Variants in DISC1 observed in about 807,000 individuals in gnomAD.
DISC1 encodes DISC1 scaffold protein, also known as disrupted in schizophrenia 1 protein.
DISC1 carries 57 observed loss-of-function variants against 84.5 expected under a neutral mutation model. The ratio of observed to expected loss-of-function variants is 0.67; its 90% CI spans 0.55 to 0.84. The LOEUF is 0.84. Ranked by LOEUF, DISC1 falls within the 40% of genes least tolerant of loss-of-function variation. The probability of loss-of-function intolerance (pLI) is 0.00; values close to 1 mark genes in which losing one functional copy is unlikely to be tolerated. For missense variants in DISC1, 1,000 were observed against 1,057.8 expected, an observed-to-expected ratio of 0.95 and a Z score of 0.76; for synonymous variants, 411 against 415.2, an observed-to-expected ratio of 0.99 and a Z score of 0.12.
chr1:231,639,207 G>A (rs561196330), intron 1 of DISC1, among the ~76,000 whole-genome samples: 47 of 152,228 alleles, frequency 3.1e-4, no homozygotes, highest in African/African-American at 1.1e-3. Flanking sequence ...TGTAGATTGC[G>A]TGTTCAAGAT....
chr1:231,779,320 G>C (rs142667693), intron 6 of DISC1, among the ~76,000 whole-genome samples: 1 of 152,230 alleles, frequency 6.6e-6, no homozygotes, highest in East Asian at 1.9e-4. Flanking sequence ...ACTGTGGACT[G>C]CTTCTGGCCT....
chr1:231,962,505 A>G (rs1329355939), intron 10 of DISC1, among the ~76,000 whole-genome samples: 1 of 152,188 alleles, frequency 6.6e-6, no homozygotes, highest in Admixed American at 6.5e-5. Context: ...ATCCTGAGCA[A>G]AAAGAACAAA....
At chr1:231,646,127 A>G (rs1321595515) in intron 1 of DISC1, among the ~76,000 whole-genome samples, 3 of 151,006 alleles carry the variant, frequency 2.0e-5, no homozygotes, top group East Asian at 2.0e-4. Flanking sequence ...AGCATTAGGT[A>G]TATCTCCTAA....
intron 2 of DISC1, among the ~76,000 whole-genome samples, chr1:231,700,017 G>A (rs1011254265): frequency 5.9e-5 from 9 of 152,118 alleles, no homozygotes; most frequent in African/African-American, 2.2e-4. Context: ...CAGCCTCGTG[G>A]TTCACTCCCT....
At chr1:231,794,129 AC>A in intron 6 of DISC1, among the ~76,000 whole-genome samples, 1 of 152,160 alleles carries the variant, frequency 6.6e-6, no homozygotes, top group Middle Eastern at 3.4e-3. Context: ...GATAGGCCCC[AC>A]CCCATCCTTC....
intron 11 of DISC1, among the ~76,000 whole-genome samples, chr1:232,012,589 A>G (rs1668118989): frequency 6.6e-6 from 1 of 152,220 alleles, no homozygotes; most frequent in Non-Finnish European, 1.5e-5. Context: ...CTGAAGCTTG[A>G]TGCCCTGAAG....
intron 1 of DISC1, among the ~76,000 whole-genome samples, chr1:231,646,574 G>A (rs2060154260): frequency 6.6e-6 from 1 of 151,344 alleles, no homozygotes; most frequent in Non-Finnish European, 1.5e-5. Flanking sequence ...AGATCGCTGG[G>A]TCAAATGGGA....
intron 8 of DISC1, among the ~76,000 whole-genome samples, chr1:231,801,680 G>A (rs1439512646): frequency 1.3e-5 from 2 of 152,244 alleles, no homozygotes; most frequent in South Asian, 2.1e-4. Context: ...TGATACTAGT[G>A]TTAAGGTGGT....
chr1:231,740,850 C>T (rs930893709), intron 3 of DISC1, among the ~76,000 whole-genome samples: 2 of 152,078 alleles, frequency 1.3e-5, no homozygotes, highest in African/African-American at 2.4e-5. Context: ...GACTATGACC[C>T]GTCACATGAG....
At chr1:231,842,662 C>T (rs1181210550) in intron 9 of DISC1, among the ~76,000 whole-genome samples, 4 of 152,078 alleles carry the variant, frequency 2.6e-5, no homozygotes, top group African/African-American at 4.8e-5. Flanking sequence ...GTGTCAGACA[C>T]GTGAATTCAG....
intron 6 of DISC1, among the ~76,000 whole-genome samples, chr1:231,791,968 A>G (rs2078384728): frequency 1.3e-5 from 2 of 152,132 alleles, no homozygotes; most frequent in African/African-American, 4.8e-5. Context: ...TATCTTTATT[A>G]TGTTTTATAG....
At chr1:231,798,552 C>G (rs986440351) in intron 7 of DISC1, among the ~76,000 whole-genome samples, 1 of 152,106 alleles carries the variant, frequency 6.6e-6, no homozygotes, top group Non-Finnish European at 1.5e-5. Context: ...TGCCCTCAGA[C>G]CTCAGATGAC....
intron 10 of DISC1, among the ~76,000 whole-genome samples, chr1:231,974,822 C>T (rs189758745): frequency 5.3e-4 from 80 of 152,128 alleles, no homozygotes; most frequent in African/African-American, 1.7e-3. Context: ...TATTTTAGGC[C>T]GGGTGTGGTG....
At chr1:232,011,641 G>A (rs910310738) in intron 11 of DISC1, among the ~76,000 whole-genome samples, 2 of 152,294 alleles carry the variant, frequency 1.3e-5, no homozygotes, top group Middle Eastern at 3.4e-3. Context: ...AATTTGGTGC[G>A]TGGAAGTTGG....
chr1:231,725,730 C>G (rs946165981), intron 3 of DISC1, among the ~76,000 whole-genome samples: 2 of 152,198 alleles, frequency 1.3e-5, no homozygotes, highest in Admixed American at 1.3e-4. Context: ...GGGGGCTTGC[C>G]TGTCCTGCAT....
chr1:231,771,213 G>T, intron 6 of DISC1, 143 bp downstream of exon 6: 1 of 1,450,370 alleles, frequency 6.9e-7, no homozygotes. Context: ...TGTTTTGGGT[G>T]GGAAAATTCT....
intron 3 of DISC1, chr1:231,721,197 T>C (rs2069636630): frequency 5.2e-6 from 5 of 958,252 alleles, no homozygotes; most frequent in Middle Eastern, 8.3e-4. Context: ...CTGTGCTGAT[T>C]GAAAGGAGCT....
chr1:231,712,003 C>A (rs2067920939), intron 3 of DISC1, among the ~76,000 whole-genome samples: 2 of 152,050 alleles, frequency 1.3e-5, no homozygotes, highest in Admixed American at 1.3e-4. Flanking sequence ...TGAGGTGGGT[C>A]CTATATGACA....
intron 4 of DISC1, among the ~76,000 whole-genome samples, chr1:231,766,437 T>C (rs995710861): frequency 6.6e-6 from 1 of 152,098 alleles, no homozygotes; most frequent in Non-Finnish European, 1.5e-5. Flanking sequence ...AAATGTGATG[T>C]GGGCTCTGCA....
Sources: gnomAD v4.1 joint callset for allele counts (sites outside exome capture counted in the v4.1 genomes callset) on GRCh38, gnomAD v4.1.1 for gene constraint, MANE v1.5 for transcripts, NCBI Gene and HGNC (gene_info 2026-07-23, HGNC 2026-07-21) for gene names.